SLC10A7: variants seen among roughly 807,000 people sequenced by gnomAD.
SLC10A7 encodes sodium/bile acid cotransporter 7.
In SLC10A7, 29 loss-of-function variants were observed where a neutral mutation model predicts 43.2. That is an observed-to-expected ratio of 0.67 (90% CI 0.50 to 0.92). The LOEUF (loss-of-function observed/expected upper bound fraction) is 0.92, where lower values mean the gene tolerates loss of function less well. SLC10A7 is among the 40% of genes least tolerant of loss of function. The pLI is 0.00. For synonymous variants in SLC10A7, 152 were observed against 144.8 expected (o/e 1.05, Z -0.35); for missense variants, 295 against 403.2 (o/e 0.73, Z 2.30).
At chr4:146,261,936 CT>C (rs1371570520) in intron 10 of SLC10A7, among the ~76,000 whole-genome samples, 1 of 152,148 alleles carries the variant, frequency 6.6e-6, no homozygotes, top group Non-Finnish European at 1.5e-5. Context: ...TTTTAGGAAA[CT>C]TTATTTTATT....
intron 5 of SLC10A7, among the ~76,000 whole-genome samples, chr4:146,347,189 A>G (rs1734686141): frequency 6.6e-6 from 1 of 152,142 alleles, no homozygotes. Context: ...AAAGGCCTGT[A>G]GACAAGGAAG....
chr4:146,261,375 T>C (rs1728209840), intron 10 of SLC10A7, among the ~76,000 whole-genome samples: 1 of 152,204 alleles, frequency 6.6e-6, no homozygotes, highest in Non-Finnish European at 1.5e-5. Context: ...CTCTGCTGCC[T>C]CTCTCCAAGC....
At chr4:146,494,693 T>TC (rs976960968) in intron 4 of SLC10A7, among the ~76,000 whole-genome samples, 4 of 152,126 alleles carry the variant, frequency 2.6e-5, no homozygotes, top group Non-Finnish European at 5.9e-5. Flanking sequence ...GTCATGAATC[T>TC]CCATCTTTTC....
chr4:146,507,847 A>G (rs1431680163), intron 3 of SLC10A7, among the ~76,000 whole-genome samples: 1 of 152,228 alleles, frequency 6.6e-6, no homozygotes, highest in Non-Finnish European at 1.5e-5. Context: ...GGGAAGGGAA[A>G]AAACACTAAG....
At chr4:146,368,893 C>T (rs901831066) in intron 5 of SLC10A7, among the ~76,000 whole-genome samples, 3 of 152,118 alleles carry the variant, frequency 2.0e-5, no homozygotes, top group Non-Finnish European at 2.9e-5. Flanking sequence ...TATTAACATT[C>T]GGTGTTTAGG....
At chr4:146,512,083 C>T (rs566799651) in intron 2 of SLC10A7, among the ~76,000 whole-genome samples, 1 of 145,142 alleles carries the variant, frequency 6.9e-6, no homozygotes. Flanking sequence ...AAGCGATTCT[C>T]CTGCCTCCAC....
At chr4:146,466,012 T>A (rs1732991789) in intron 4 of SLC10A7, among the ~76,000 whole-genome samples, 1 of 152,164 alleles carries the variant, frequency 6.6e-6, no homozygotes, top group Admixed American at 6.5e-5. Context: ...ATAGTTCTAA[T>A]CTTAAAGTTG....
At chr4:146,282,828 C>T (rs1265833158) in intron 10 of SLC10A7, among the ~76,000 whole-genome samples, 1 of 152,102 alleles carries the variant, frequency 6.6e-6, no homozygotes, top group African/African-American at 2.4e-5. Context: ...TAATCTTTTC[C>T]AGGGACAACT....
chr4:146,471,289 C>T (rs898730139), intron 4 of SLC10A7, among the ~76,000 whole-genome samples: 4 of 152,140 alleles, frequency 2.6e-5, no homozygotes, highest in Non-Finnish European at 5.9e-5. Flanking sequence ...GAAAACTTTC[C>T]TAAATTTAGG....
chr4:146,447,490 T>G (rs1441330777), intron 4 of SLC10A7, among the ~76,000 whole-genome samples: 1 of 152,318 alleles, frequency 6.6e-6, no homozygotes, highest in East Asian at 1.9e-4. Context: ...TCTAGAATGC[T>G]CCATTACAAC....
At chr4:146,332,333 T>C (rs761681944) in intron 5 of SLC10A7, among the ~76,000 whole-genome samples, 6 of 152,198 alleles carry the variant, frequency 3.9e-5, no homozygotes, top group Non-Finnish European at 7.4e-5. Flanking sequence ...GATCACGTGC[T>C]ATGATTTGGC....
chr4:146,387,005 C>T (rs926303465), intron 5 of SLC10A7, among the ~76,000 whole-genome samples: 2 of 152,140 alleles, frequency 1.3e-5, no homozygotes, highest in African/African-American at 4.8e-5. Context: ...GTGAGAGAAT[C>T]GGAGGGAGAA....
chr4:146,521,577 A>G (rs771317564), intron 1 of SLC10A7, 41 bp downstream of exon 1: 1 of 1,551,868 alleles, frequency 6.4e-7, no homozygotes, highest in South Asian at 1.1e-5. Context: ...TTAGTTCTGA[A>G]GTGGGAGCCG....
intron 9 of SLC10A7, among the ~76,000 whole-genome samples, chr4:146,285,156 G>A (rs1197399010): frequency 1.3e-5 from 2 of 152,130 alleles, no homozygotes; most frequent in Non-Finnish European, 2.9e-5. Context: ...CTTATGATCA[G>A]GAGTATGGAG....
intron 6 of SLC10A7, among the ~76,000 whole-genome samples, chr4:146,321,229 G>T (rs1172457804): frequency 6.6e-6 from 1 of 152,074 alleles, no homozygotes; most frequent in Non-Finnish European, 1.5e-5. Flanking sequence ...GCAGAGCCAT[G>T]TTCCCTATGA....
At chr4:146,457,682 A>G (rs1366742131) in intron 4 of SLC10A7, among the ~76,000 whole-genome samples, 1 of 151,964 alleles carries the variant, frequency 6.6e-6, no homozygotes, top group Non-Finnish European at 1.5e-5. Context: ...TGCTTCAGAT[A>G]TTTAAAAGAT....
chr4:146,411,987 A>C (rs1395392464), intron 5 of SLC10A7, among the ~76,000 whole-genome samples: 5 of 152,126 alleles, frequency 3.3e-5, no homozygotes, highest in Admixed American at 3.3e-4. Context: ...ACTACCTGAA[A>C]CTTCATATGT....
intron 5 of SLC10A7, among the ~76,000 whole-genome samples, chr4:146,340,552 G>C (rs1734194965): frequency 6.6e-6 from 1 of 151,624 alleles, no homozygotes; most frequent in African/African-American, 2.4e-5. Context: ...GAGAGAGAGA[G>C]AGAGAGAGAG....
intron 6 of SLC10A7, among the ~76,000 whole-genome samples, chr4:146,314,753 G>T (rs1408517754): frequency 6.6e-6 from 1 of 152,082 alleles, no homozygotes; most frequent in Non-Finnish European, 1.5e-5. Context: ...GACCTTTATG[G>T]CTGGAGAGAG....
Sources: gnomAD v4.1 joint callset for allele counts (sites outside exome capture counted in the v4.1 genomes callset) on GRCh38, gnomAD v4.1.1 for gene constraint, MANE v1.5 for transcripts, NCBI Gene and HGNC (gene_info 2026-07-23, HGNC 2026-07-21) for gene names.